Variants in NRXN3 observed in about 807,000 individuals in gnomAD.
NRXN3 encodes the protein neurexin III.
A neutral mutation model predicts 137.6 loss-of-function variants in NRXN3; 32 were observed. The observed-to-expected ratio is 0.23, with a 90% CI of 0.18 to 0.31. The LOEUF (loss-of-function observed/expected upper bound fraction) is 0.31, where lower values mean the gene tolerates loss of function less well. NRXN3 is among the 10% of genes least tolerant of loss of function. The pLI, the probability that NRXN3 is intolerant of heterozygous loss-of-function variation, is 1.00. For synonymous variants in NRXN3, 798 were observed against 784.5 expected (o/e 1.02, Z -0.29); for missense variants, 1,574 against 2,062.5 (o/e 0.76, Z 4.59).
intron 4 of NRXN3, among the ~76,000 whole-genome samples, chr14:78,374,292 A>G (rs1422796542): frequency 1.3e-5 from 2 of 152,166 alleles, no homozygotes; most frequent in African/African-American, 4.8e-5. Flanking sequence ...TCTTTAGTAT[A>G]AGTTTTATGG....
At chr14:78,550,362 T>C (rs1471539736) in intron 4 of NRXN3, among the ~76,000 whole-genome samples, 1 of 152,144 alleles carries the variant, frequency 6.6e-6, no homozygotes, top group Non-Finnish European at 1.5e-5. Flanking sequence ...TATGACCCTT[T>C]CTTTCTCTTG....
At chr14:78,297,164 TG>T (rs34056782) in intron 3 of NRXN3, among the ~76,000 whole-genome samples, 3 of 152,092 alleles carry the variant, frequency 2.0e-5, no homozygotes, top group Admixed American at 6.6e-5. Flanking sequence ...GGAAAGATGG[TG>T]GGGGAGAAGT....
chr14:78,379,080 G>C (rs934346449), intron 4 of NRXN3, among the ~76,000 whole-genome samples: 3 of 151,520 alleles, frequency 2.0e-5, no homozygotes. Context: ...ATATAAAATA[G>C]ATAATATGAG....
intron 16 of NRXN3, among the ~76,000 whole-genome samples, chr14:79,591,304 A>G (rs896332699): frequency 1.3e-5 from 2 of 152,200 alleles, no homozygotes; most frequent in African/African-American, 4.8e-5. Flanking sequence ...GGAAATCAAC[A>G]TTTAGAAATT....
chr14:78,333,415 AATATTCCTGCCTT>A (rs2081072484), intron 4 of NRXN3, among the ~76,000 whole-genome samples: 1 of 152,204 alleles, frequency 6.6e-6, no homozygotes, highest in Admixed American at 6.5e-5. Context: ...GATGAACAAA[AATATTCCTGCCTT>A]TGTCGGTCTT....
rs188404442 is a variant in NRXN3, at chr14:79,445,112, C to T, written c.3263-22109C>T. ...ATCCCAGCAATTTTAGAGGCTGAGG[C>T]GGGCAGATCACGAGGTCAAGAGATC... On this transcript the variant is annotated intron_variant, in intron 15 of 20. Coordinates refer to ENST00000335750, the MANE Select transcript of NRXN3 (RefSeq NM_001330195.2). Among the ~76,000 whole-genome samples the T allele has an allele frequency of 2.5e-3, 376 of 152,150 alleles. 2 individuals are homozygous for T. Among genetic ancestry groups the T allele is most frequent in the African/African-American group, 8.8e-3 (365 of 41,518 alleles).
intron 4 of NRXN3, among the ~76,000 whole-genome samples, chr14:78,307,562 G>A (rs1411574169): frequency 2.6e-5 from 4 of 151,984 alleles, no homozygotes; most frequent in African/African-American, 9.7e-5. Context: ...TTGATGAAGC[G>A]CAGGTTTCCC....
intron 14 of NRXN3, among the ~76,000 whole-genome samples, chr14:78,971,277 C>T (rs1368139244): frequency 6.6e-6 from 1 of 151,870 alleles, no homozygotes; most frequent in Non-Finnish European, 1.5e-5. Context: ...GTATGAGGAC[C>T]ACAGGAAACA....
chr14:78,401,062 G>A (rs940913702), intron 4 of NRXN3, among the ~76,000 whole-genome samples: 2 of 152,186 alleles, frequency 1.3e-5, no homozygotes, highest in Non-Finnish European at 2.9e-5. Flanking sequence ...TCCTCTGGAG[G>A]TGACAAATGC....
chr14:79,739,487 T>C (rs572384140), intron 19 of NRXN3, among the ~76,000 whole-genome samples: 2 of 151,106 alleles, frequency 1.3e-5, no homozygotes, highest in South Asian at 2.1e-4. Flanking sequence ...CTACTAAAAG[T>C]ACAAAAATTA....
chr14:79,152,788 G>T (rs1028837493), intron 15 of NRXN3, among the ~76,000 whole-genome samples: 5 of 151,966 alleles, frequency 3.3e-5, no homozygotes, highest in Admixed American at 3.3e-4. Flanking sequence ...GGTGAGATTT[G>T]GGTGAAGACA....
chr14:79,220,666 G>A (rs1310497481), intron 15 of NRXN3, among the ~76,000 whole-genome samples: 1 of 152,050 alleles, frequency 6.6e-6, no homozygotes, highest in Admixed American at 6.6e-5. Context: ...CATATAGTTA[G>A]AATCATATGG....
chr14:78,340,203 A>T (rs532844980), intron 4 of NRXN3, among the ~76,000 whole-genome samples: 7 of 152,312 alleles, frequency 4.6e-5, no homozygotes, highest in African/African-American at 1.7e-4. Context: ...GGCAGGCAAC[A>T]GAATTGTCTC....
At chr14:79,780,550 AG>A (rs1461803372) in intron 19 of NRXN3, among the ~76,000 whole-genome samples, 1 of 152,124 alleles carries the variant, frequency 6.6e-6, no homozygotes, top group Non-Finnish European at 1.5e-5. Context: ...CGGAGCTTGC[AG>A]TGAGTCGAGA....
intron 15 of NRXN3, among the ~76,000 whole-genome samples, chr14:79,192,134 A>G (rs4903841): frequency 0.32 from 49,377 of 151,998 alleles, 8,468 homozygotes; most frequent in Non-Finnish European, 0.39. Context: ...TGATCTGCCC[A>G]CCTCGGCCTC....
At chr14:79,443,825 C>T (rs2096009323) in intron 15 of NRXN3, among the ~76,000 whole-genome samples, 1 of 152,178 alleles carries the variant, frequency 6.6e-6, no homozygotes, top group Non-Finnish European at 1.5e-5. Flanking sequence ...TGCACTCACC[C>T]TAATTCATCT....
chr14:79,737,677 A>G (rs2098946769), intron 19 of NRXN3, among the ~76,000 whole-genome samples: 1 of 152,016 alleles, frequency 6.6e-6, no homozygotes, highest in Non-Finnish European at 1.5e-5. Flanking sequence ...GCTTGGCATA[A>G]TATTAATTAA....
At chr14:79,056,746 C>G (rs1471301552) in intron 15 of NRXN3, among the ~76,000 whole-genome samples, 1 of 152,090 alleles carries the variant, frequency 6.6e-6, no homozygotes, top group East Asian at 1.9e-4. Flanking sequence ...GCAAATGTCT[C>G]TGAAGAATAA....
chr14:78,632,257 A>G (rs1245521063), intron 4 of NRXN3, among the ~76,000 whole-genome samples: 4 of 152,144 alleles, frequency 2.6e-5, no homozygotes, highest in African/African-American at 9.7e-5. Flanking sequence ...ATCCCAAAGT[A>G]TATGGTTAAT....
Sources: gnomAD v4.1 joint callset for allele counts (sites outside exome capture counted in the v4.1 genomes callset) on GRCh38, gnomAD v4.1.1 for gene constraint, MANE v1.5 for transcripts, NCBI Gene and HGNC (gene_info 2026-07-23, HGNC 2026-07-21) for gene names.